FSTL5: variants seen among roughly 807,000 people sequenced by gnomAD.
FSTL5 encodes the protein follistatin like 5.
FSTL5 carries 62 observed loss-of-function variants against 89.1 expected under a neutral mutation model. That is an observed-to-expected ratio of 0.70 (90% CI 0.57 to 0.86). The LOEUF is 0.86. Ranked by LOEUF, FSTL5 falls within the 40% of genes least tolerant of loss-of-function variation. The pLI is 0.00. For synonymous variants in FSTL5, 383 were observed against 346.2 expected, an observed-to-expected ratio of 1.11 and a Z score of -1.18; for missense variants, 1,057 against 1,001.6, an observed-to-expected ratio of 1.06 and a Z score of -0.75.
intron 4 of FSTL5, among the ~76,000 whole-genome samples, chr4:161,857,990 T>C (rs908369202): frequency 3.9e-5 from 6 of 152,206 alleles, no homozygotes; most frequent in African/African-American, 1.4e-4. Flanking sequence ...TGTTAAAATC[T>C]GAATGTCAAT....
Position 161,912,385 on chromosome 4 carries a change from C to T in FSTL5, c.409+8019G>A, listed in dbSNP as rs373699445. 5.9e-5 allele frequency among the ~76,000 whole-genome samples: 9 copies of T among 152,136 alleles called. No individual in the cohort carries two copies. In the East Asian group the frequency reaches 7.7e-4, roughly 13 times the overall value. ...AATTCCCATGTGTTGTTGGAGGGAC[C>T]CAGCAGGAGGTAATTGAATCATGGG... On this transcript the variant is annotated intron_variant, in intron 4 of 15. Transcript: ENST00000306100.
At chr4:161,990,623 G>C (rs945827428) in intron 3 of FSTL5, among the ~76,000 whole-genome samples, 1 of 151,980 alleles carries the variant, frequency 6.6e-6, no homozygotes, top group African/African-American at 2.4e-5. Flanking sequence ...GAAGATACAA[G>C]CAGGTGTGCA....
intron 13 of FSTL5, among the ~76,000 whole-genome samples, chr4:161,466,536 G>A (rs888830219): frequency 6.6e-6 from 1 of 152,140 alleles, no homozygotes; most frequent in Non-Finnish European, 1.5e-5. Flanking sequence ...ATGGCTGGAG[G>A]AGACTGCTGA....
At chr4:161,797,434 T>C (rs1471891311) in intron 4 of FSTL5, among the ~76,000 whole-genome samples, 1 of 151,656 alleles carries the variant, frequency 6.6e-6, no homozygotes, top group Non-Finnish European at 1.5e-5. Flanking sequence ...CAGTACAGCA[T>C]TTAATCTTCC....
At chr4:161,751,366 T>A (rs1222307783) in intron 6 of FSTL5, among the ~76,000 whole-genome samples, 1 of 152,166 alleles carries the variant, frequency 6.6e-6, no homozygotes, top group East Asian at 1.9e-4. Flanking sequence ...GTCTCAGCAA[T>A]CATTTTGGAA....
rs1182111347 is a variant in FSTL5, at chr4:161,528,277, C to G, written c.1312+9889G>C. Among the ~76,000 whole-genome samples the G allele has an allele frequency of 1.4e-5, 2 of 140,888 alleles. 1 individual carries two copies. The highest frequency in any genetic ancestry group is 5.1e-5 in the African/African-American group (2 of 39,286). 92.4% of individuals were successfully genotyped at this position (140,888 alleles called of 152,430 possible). On this transcript the variant is annotated intron_variant, in intron 10 of 15. Coordinates refer to ENST00000306100, the MANE Select transcript of FSTL5 (RefSeq NM_020116.5). ...AACCTGCACATTGTGCACATGTACC[C>G]TAAAACTTAAAGTATGATAATAATG...
rs1413888388 is a variant in FSTL5, at chr4:161,834,971, C to G, written c.410-58897G>C. On this transcript the variant is annotated intron_variant, in intron 4 of 15. Coordinates refer to ENST00000306100, the MANE Select transcript of FSTL5 (RefSeq NM_020116.5). ...AAACTACTTTAAAGTTCATATGACA[C>G]CAAAAAAGAGCCTGCATCGCCAAGT... is the stretch of plus-strand genomic sequence containing the variant. Among the ~76,000 whole-genome samples, 2 of 146,698 alleles carry G rather than the reference C, an allele frequency of 1.4e-5. 1 individual carries two copies. The highest frequency in any genetic ancestry group is 3.0e-5 in the Non-Finnish European group (2 of 66,892).
chr4:161,401,849 G>A (rs1731191241), intron 15 of FSTL5, among the ~76,000 whole-genome samples: 2 of 152,184 alleles, frequency 1.3e-5, no homozygotes, highest in East Asian at 1.9e-4. Flanking sequence ...GTTTATAATA[G>A]CAAACTGAAA....
chr4:162,090,195 A>T (rs750188860), intron 2 of FSTL5, among the ~76,000 whole-genome samples: 1 of 152,196 alleles, frequency 6.6e-6, no homozygotes, highest in Non-Finnish European at 1.5e-5. Flanking sequence ...CAAAAATTTC[A>T]TGACTGATAC....
intron 3 of FSTL5, among the ~76,000 whole-genome samples, chr4:161,947,028 GT>G (rs1221221448): frequency 6.6e-6 from 1 of 151,958 alleles, no homozygotes; most frequent in Non-Finnish European, 1.5e-5. Flanking sequence ...ATTTTTCAAA[GT>G]TTTAGTTCAA....
At chr4:161,938,757 G>T (rs1305864326) in intron 3 of FSTL5, among the ~76,000 whole-genome samples, 1 of 151,896 alleles carries the variant, frequency 6.6e-6, no homozygotes, top group Admixed American at 6.6e-5. Context: ...CAGAGCACTT[G>T]GTTATAAGAT....
chr4:161,836,725 A>G (rs561246696), intron 4 of FSTL5, among the ~76,000 whole-genome samples: 1 of 152,198 alleles, frequency 6.6e-6, no homozygotes, highest in Non-Finnish European at 1.5e-5. Context: ...AAAATTAAAG[A>G]TATTGTGAAA....
At chr4:161,949,827 G>A (rs1212637815) in intron 3 of FSTL5, among the ~76,000 whole-genome samples, 1 of 151,012 alleles carries the variant, frequency 6.6e-6, no homozygotes, top group Non-Finnish European at 1.5e-5. Context: ...GGAATTCTCT[G>A]CTTTAATTCC....
intron 4 of FSTL5, among the ~76,000 whole-genome samples, chr4:161,835,647 A>T (rs1327128846): frequency 6.6e-6 from 1 of 152,048 alleles, no homozygotes; most frequent in Non-Finnish European, 1.5e-5. Flanking sequence ...GGTGAAGGAC[A>T]TGAACAGACA....
intron 4 of FSTL5, among the ~76,000 whole-genome samples, chr4:161,902,702 A>C (rs1189015898): frequency 6.6e-6 from 1 of 152,072 alleles, no homozygotes; most frequent in Non-Finnish European, 1.5e-5. Context: ...AAAAAAAATT[A>C]GCCAGGCGTG....
chr4:162,011,026 C>A (rs891451009), intron 3 of FSTL5, among the ~76,000 whole-genome samples: 1 of 152,068 alleles, frequency 6.6e-6, no homozygotes, highest in African/African-American at 2.4e-5. Flanking sequence ...TTCTGTGTAT[C>A]AAAATAAAAT....
chr4:162,010,488 T>C (rs757260019), intron 3 of FSTL5, among the ~76,000 whole-genome samples: 100 of 152,166 alleles, frequency 6.6e-4, no homozygotes, highest in Non-Finnish European at 1.3e-3. Context: ...TCTTTTACAG[T>C]GTACAGTGAC....
chr4:162,141,362 G>A (rs1455346637), intron 1 of FSTL5, among the ~76,000 whole-genome samples: 1 of 87,832 alleles, frequency 1.1e-5, no homozygotes, highest in Admixed American at 1.0e-4. Context: ...TGATCCGCCC[G>A]TCTCGGCCTC....
chr4:161,505,968 C>A (rs983359141), intron 11 of FSTL5, among the ~76,000 whole-genome samples: 11 of 152,150 alleles, frequency 7.2e-5, no homozygotes, highest in African/African-American at 2.7e-4. Context: ...TTCCCCTCCC[C>A]CCAATGCCAT....
Sources: gnomAD v4.1 joint callset for allele counts (sites outside exome capture counted in the v4.1 genomes callset) on GRCh38, gnomAD v4.1.1 for gene constraint, MANE v1.5 for transcripts, NCBI Gene and HGNC (gene_info 2026-07-23, HGNC 2026-07-21) for gene names.